Variants in DDAH1 observed in about 807,000 individuals in gnomAD.
DDAH1 encodes dimethylarginine dimethylaminohydrolase 1.
In DDAH1, 19 loss-of-function variants were observed where a neutral mutation model predicts 28.8. The ratio of observed to expected loss-of-function variants is 0.66; its 90% CI spans 0.46 to 0.97. The LOEUF is 0.97. DDAH1 is among the 50% of genes least tolerant of loss of function. The pLI is 0.00. For missense variants in DDAH1, 326 were observed against 375.9 expected, an observed-to-expected ratio of 0.87 and a Z score of 1.10; for synonymous variants, 153 against 154.4, an observed-to-expected ratio of 0.99 and a Z score of 0.07.
intron 2 of DDAH1, among the ~76,000 whole-genome samples, chr1:85,473,500 C>T (rs964159251): frequency 1.3e-4 from 20 of 152,262 alleles, no homozygotes; most frequent in African/African-American, 3.4e-4. Flanking sequence ...CACACACACA[C>T]GCACGCGCAC....
chr1:85,453,658 T>G (rs185973049), intron 1 of DDAH1, among the ~76,000 whole-genome samples: 1 of 152,364 alleles, frequency 6.6e-6, no homozygotes. Flanking sequence ...TTTGTCAGAA[T>G]GAACCCCAAT....
intron 2 of DDAH1, chr1:85,494,677 CT>C (rs1656520504): frequency 6.6e-6 from 1 of 152,254 alleles, no homozygotes; most frequent in Admixed American, 6.5e-5. Context: ...GAAGTGAACG[CT>C]CTAGGGAATG....
intron 1 of DDAH1, among the ~76,000 whole-genome samples, chr1:85,499,648 A>G (rs903628139): frequency 2.6e-5 from 4 of 151,532 alleles, no homozygotes; most frequent in Admixed American, 6.6e-5. Context: ...GCACTCCAGC[A>G]ACAGTGAGAC....
At position 85,320,553 on chromosome 1, in the gene DDAH1, G is replaced by C. The variant is rs890258740; in HGVS notation, c.*899C>G. On this transcript the variant is annotated 3_prime_UTR_variant, in exon 6 of 6. Coordinates refer to ENST00000284031, the MANE Select transcript of DDAH1 (RefSeq NM_012137.4). ...AAAGAGTTCCTCCAAGGTCATATATGGTCAGTAATGAAGCAAAAATTCATG... is the reference window on the plus strand; with the variant it reads ...AAAGAGTTCCTCCAAGGTCATATATCGTCAGTAATGAAGCAAAAATTCATG... 1 of 151,960 alleles carries C rather than the reference G, an allele frequency of 6.6e-6. No homozygotes were observed. 9.4% of individuals were successfully genotyped at this position (151,960 alleles called of 1,614,324 possible).
chr1:85,493,600 CT>C (rs777775552), intron 2 of DDAH1: 1 of 152,126 alleles, frequency 6.6e-6, no homozygotes, highest in Non-Finnish European at 1.5e-5. Flanking sequence ...TAAATATTTT[CT>C]TTTTAAAATT....
intron 1 of DDAH1, among the ~76,000 whole-genome samples, chr1:85,417,878 T>C (rs1227010118): frequency 6.6e-6 from 1 of 152,200 alleles, no homozygotes; most frequent in Admixed American, 6.5e-5. Context: ...CAAGCTGAGA[T>C]CCTTTAAAAG....
chr1:85,436,919 C>G (rs1047392628), intron 1 of DDAH1, among the ~76,000 whole-genome samples: 3 of 152,186 alleles, frequency 2.0e-5, no homozygotes, highest in African/African-American at 7.2e-5. Context: ...ACAGGTGCCT[C>G]CATGGTTTTA....
intron 1 of DDAH1, among the ~76,000 whole-genome samples, chr1:85,555,334 C>T (rs1437014995): frequency 6.6e-6 from 1 of 152,198 alleles, no homozygotes; most frequent in African/African-American, 2.4e-5. Context: ...CGTCTGTCAG[C>T]CAAGTGTCAA....
chr1:85,574,474 C>T (rs1409630705), intron 1 of DDAH1, among the ~76,000 whole-genome samples: 1 of 152,174 alleles, frequency 6.6e-6, no homozygotes, highest in Non-Finnish European at 1.5e-5. Context: ...CAGTCAAGGC[C>T]TTGTTCCCTT....
chr1:85,410,637 CAAA>C (rs10630765), intron 1 of DDAH1, among the ~76,000 whole-genome samples: 4 of 142,260 alleles, frequency 2.8e-5, no homozygotes, highest in African/African-American at 5.2e-5. Context: ...AGCTCTGCCT[CAAA>C]AAAAAAAAAA....
chr1:85,411,128 A>G (rs889435398), intron 1 of DDAH1, among the ~76,000 whole-genome samples: 1 of 152,220 alleles, frequency 6.6e-6, no homozygotes, highest in African/African-American at 2.4e-5. Flanking sequence ...CTAGCCCACA[A>G]GTTATCACAG....
At chr1:85,462,643 T>C (rs1375893277) in intron 1 of DDAH1, among the ~76,000 whole-genome samples, 2 of 152,188 alleles carry the variant, frequency 1.3e-5, no homozygotes, top group Admixed American at 6.5e-5. Context: ...CATTAACACC[T>C]ACCAAGGCGG....
In DDAH1 at chr1:85,464,968, G is replaced by C; in HGVS notation, c.78C>G (p.Gly26=). Residue 26 remains glycine (G), a synonymous_variant, in exon 1 of 6, where the codon GGC becomes GGG. Coordinates refer to ENST00000284031, the MANE Select transcript of DDAH1 (RefSeq NM_012137.4). This position sits in a 1 kb window ranked among gnomAD's most constrained non-coding sequence, Gnocchi z 4.4. Reference sequence around the variant, plus strand: ...CCTTGGCGCTTCTCAGCGCGTGCTGGCCGAGCGACTCGGGTAGCGCCCGCA... The same window carrying C: ...CCTTGGCGCTTCTCAGCGCGTGCTGCCCGAGCGACTCGGGTAGCGCCCGCA... ...AVVRALPESL[G]QHALRSAKGE... 6.8e-7 allele frequency: 1 copy of C among 1,477,130 alleles called. No homozygotes were observed. The highest frequency in any genetic ancestry group is 8.9e-7 in the Non-Finnish European group (1 of 1,119,314). 91.5% of individuals were successfully genotyped at this position (1,477,130 alleles called of 1,614,324 possible).
Position 85,402,431 on chromosome 1 carries a change from T to C in DDAH1, c.304-43584A>G, listed in dbSNP as rs550161714. 3.9e-4 allele frequency among the ~76,000 whole-genome samples: 60 copies of C among 152,302 alleles called. 1 individual carries two copies. The highest frequency in any genetic ancestry group is 1.4e-3 in the African/African-American group (60 of 41,576). ...AAGGCTACTTGTCAAACTATTCTTA[T>C]AGACAAAATATTTTCAAAAATATTT... On this transcript the variant is annotated intron_variant, in intron 1 of 5. Coordinates refer to ENST00000284031, the MANE Select transcript of DDAH1 (RefSeq NM_012137.4).
chr1:85,371,857 G>T (rs565879819), intron 1 of DDAH1, among the ~76,000 whole-genome samples: 8 of 152,236 alleles, frequency 5.3e-5, no homozygotes, highest in African/African-American at 1.9e-4. Flanking sequence ...TAAAAATATT[G>T]TATTTGCTAA....
chr1:85,340,411 G>A (rs1648404387), intron 4 of DDAH1, among the ~76,000 whole-genome samples: 1 of 152,178 alleles, frequency 6.6e-6, no homozygotes, highest in South Asian at 2.1e-4. Context: ...GCACGCCATT[G>A]TGGTAGTTAT....
intron 4 of DDAH1, among the ~76,000 whole-genome samples, chr1:85,329,547 A>G (rs1647636376): frequency 6.6e-6 from 1 of 152,208 alleles, no homozygotes; most frequent in South Asian, 2.1e-4. Context: ...ATTTGAGGAC[A>G]GTTTCAATTT....
intron 5 of DDAH1, among the ~76,000 whole-genome samples, chr1:85,321,970 G>C (rs1279004799): frequency 6.6e-6 from 1 of 152,138 alleles, no homozygotes. Context: ...TTGGTGTACA[G>C]TGGCGCGACC....
intron 4 of DDAH1, among the ~76,000 whole-genome samples, chr1:85,329,321 T>C (rs758747140): frequency 1.3e-5 from 2 of 152,200 alleles, no homozygotes; most frequent in African/African-American, 2.4e-5. Context: ...TGCTCTGCCC[T>C]ATCCCCCAAC....
Sources: gnomAD v4.1 joint callset for allele counts (sites outside exome capture counted in the v4.1 genomes callset) on GRCh38, gnomAD v4.1.1 for gene constraint, Gnocchi (gnomAD v3.1) non-coding constraint, MANE v1.5 for transcripts, NCBI Gene and HGNC (gene_info 2026-07-23, HGNC 2026-07-21) for gene names.